Variants in RECK observed in about 807,000 individuals in gnomAD.
RECK encodes reversion-inducing cysteine-rich protein with Kazal motifs.
Under a neutral mutation model 115.1 loss-of-function variants are expected in RECK, and 69 were observed. The observed-to-expected ratio is 0.60, with a 90% CI of 0.49 to 0.73. The LOEUF (loss-of-function observed/expected upper bound fraction) is 0.73. Among genes scored for constraint, RECK ranks in the 30% least tolerant of loss-of-function variants. The probability of loss-of-function intolerance (pLI) is 0.00; values close to 1 mark genes in which losing one functional copy is unlikely to be tolerated. For missense variants in RECK, 1,047 were observed against 1,203.7 expected, an observed-to-expected ratio of 0.87 and a Z score of 1.93; for synonymous variants, 414 against 419.7, an observed-to-expected ratio of 0.99 and a Z score of 0.17.
In RECK at chr9:36,123,239, T is replaced by G; in HGVS notation, c.*194T>G. 1 of 538,852 alleles carries G rather than the reference T, an allele frequency of 1.9e-6. No individual in the cohort carries two copies. Among genetic ancestry groups the G allele is most frequent in the Non-Finnish European group, 3.3e-6 (1 of 306,830 alleles). The allele number at this position is 538,852 out of a possible 1,614,324, so 33.4% of individuals were successfully genotyped here. A position where few individuals can be genotyped will look rare whatever the true frequency, so the allele number is the denominator to read the frequency against. ...TTTTGTTTTTACAAATGTTAAAATG[T>G]GTTGTTCCAAATACTAATGAAAACA... On this transcript the variant is annotated 3_prime_UTR_variant, in exon 21 of 21. Coordinates refer to ENST00000377966, the MANE Select transcript of RECK (RefSeq NM_021111.3).
chr9:36,036,933 G>GGCGGCAGCGGCT lies in RECK; in HGVS notation c.-60_-49dup, dbSNP rs1820681298. On this transcript the variant is annotated 5_prime_UTR_variant, in exon 1 of 21. Transcript: ENST00000377966. ...GCCTCGCGCGAGCGGCGGCGGTAGC[G>GGCGGCAGCGGCT]GCGGCAGCGGCTGCGGCCAAGCTGG... The GGCGGCAGCGGCT allele has an allele frequency of 9.2e-7, 1 of 1,082,984 alleles. No homozygotes were observed. The highest frequency in any genetic ancestry group is 4.4e-5 in the Admixed American group (1 of 22,980). The allele number at this position is 1,082,984 out of a possible 1,614,324, so 67.1% of individuals were successfully genotyped here. A position where few individuals can be genotyped will look rare whatever the true frequency, so the allele number is the denominator to read the frequency against.
At chr9:36,091,899 C>T (rs7039882) in intron 10 of RECK, among the ~76,000 whole-genome samples, 3,809 of 151,930 alleles carry the variant, frequency 0.025, 168 homozygotes, top group African/African-American at 0.085. Context: ...ACCGGAAGCA[C>T]GAAATGAGAG....
rs77813630 is a variant in RECK at position 36,119,619 on chromosome 9, T to C, written c.2464+652T>C. On this transcript the variant is annotated intron_variant, in intron 18 of 20. Coordinates refer to ENST00000377966, the MANE Select transcript of RECK (RefSeq NM_021111.3). ...TTCCTCCATCCGTTAATTCATCAAA[T>C]GTTTATTTAGCTTTCACTATGTGCC... 6.9e-3 allele frequency among the ~76,000 whole-genome samples: 1,055 copies of C among 152,306 alleles called. 14 individuals carry two copies. The highest frequency in any genetic ancestry group is 0.023 in the African/African-American group (940 of 41,564).
rs746496519 is a variant in RECK at position 36,110,011 on chromosome 9, A to G, written c.1820A>G (p.Asn607Ser). 1 of 1,613,886 alleles carries G rather than the reference A, an allele frequency of 6.2e-7. No homozygotes were observed. Among genetic ancestry groups the G allele is most frequent in the South Asian group, 1.1e-5 (1 of 91,084 alleles). ...DCNVCSCFAG[N>S]LVCSTRLCLS... Reference sequence around the variant, plus strand: ...AATGTCTGTTCTTGTTTTGCTGGCAATTTGGTGTGCTCTACCCGCCTTTGC... The same window carrying G: ...AATGTCTGTTCTTGTTTTGCTGGCAGTTTGGTGTGCTCTACCCGCCTTTGC... Residue 607 changes from asparagine (N) to serine (S), a missense_variant, in exon 15 of 21, where the codon AAT (asparagine) becomes AGT (serine). Coordinates refer to ENST00000377966, the MANE Select transcript of RECK (RefSeq NM_021111.3).
At chr9:36,101,496 T>C (rs571314856) in intron 11 of RECK, among the ~76,000 whole-genome samples, 1 of 152,314 alleles carries the variant, frequency 6.6e-6, no homozygotes, top group South Asian at 2.1e-4. Context: ...TCCAGTCTAT[T>C]CTCTGACATG....
chr9:36,081,651 T>C lies in RECK; in HGVS notation c.439+1013T>C, dbSNP rs560754967. On this transcript the variant is annotated intron_variant, in intron 7 of 20. Transcript: ENST00000377966. ...GAGTTTGAGACCAGCCTGGCCAATA[T>C]GGTGAAAACCCATCTCTACTAAAAA... Among the ~76,000 whole-genome samples, 114 of 152,152 alleles carry C rather than the reference T, an allele frequency of 7.5e-4. 2 individuals carry two copies. The highest frequency in any genetic ancestry group is 2.5e-3 in the African/African-American group (103 of 41,522).
intron 11 of RECK, among the ~76,000 whole-genome samples, chr9:36,101,323 TG>T (rs1389577079): frequency 2.6e-5 from 4 of 152,240 alleles, no homozygotes; most frequent in Admixed American, 2.6e-4. Context: ...GCTGCTATAG[TG>T]GGTGAAACCA....
At chr9:36,051,554 C>G (rs1341572871) in intron 1 of RECK, among the ~76,000 whole-genome samples, 1 of 152,176 alleles carries the variant, frequency 6.6e-6, no homozygotes, top group African/African-American at 2.4e-5. Flanking sequence ...TAACTTGACT[C>G]TTGTGGTGCA....
chr9:36,102,361 CAG>C, intron 12 of RECK, 131 bp downstream of exon 12: 1 of 785,192 alleles, frequency 1.3e-6, no homozygotes, highest in Non-Finnish European at 2.0e-6. Flanking sequence ...ATCTCAATCA[CAG>C]ACTCTTGTTT....
chr9:36,109,010 G>T (rs1295219468), intron 14 of RECK, among the ~76,000 whole-genome samples: 1 of 151,976 alleles, frequency 6.6e-6, no homozygotes, highest in Non-Finnish European at 1.5e-5. Flanking sequence ...GATTTGATTA[G>T]AAAGAAGAGT....
chr9:36,101,473 A>G (rs551141229), intron 11 of RECK, among the ~76,000 whole-genome samples: 1 of 152,228 alleles, frequency 6.6e-6, no homozygotes, highest in Admixed American at 6.5e-5. Context: ...AATAATTTCA[A>G]CCTTAAACAG....
rs56001338 is a variant in RECK at position 36,054,499 on chromosome 9, TAAAA to T, written c.159+2192_159+2195del. Among the ~76,000 whole-genome samples the T allele has an allele frequency of 5.5e-5, 7 of 127,186 alleles. No individual in the cohort carries two copies. In the South Asian group the frequency reaches 1.3e-3, roughly 23 times the overall value. 83.4% of individuals were successfully genotyped at this position (127,186 alleles called of 152,430 possible). On this transcript the variant is annotated intron_variant, in intron 2 of 20. Transcript: ENST00000377966. ...GAGATCTGAGAAAAGGCCCTTAGTTTAAAAAAAAAAAAAAAAAAAGCCAATTAGT... is the reference window on the plus strand; with the variant it reads ...GAGATCTGAGAAAAGGCCCTTAGTTTAAAAAAAAAAAAAAAGCCAATTAGT...
At chr9:36,064,713 A>C (rs1160999692) in intron 5 of RECK, among the ~76,000 whole-genome samples, 1 of 152,188 alleles carries the variant, frequency 6.6e-6, no homozygotes. Flanking sequence ...GCTGAGTTGC[A>C]GAGGATTTGA....
At chr9:36,062,663 A>C (rs992397248) in intron 4 of RECK, among the ~76,000 whole-genome samples, 1 of 151,340 alleles carries the variant, frequency 6.6e-6, no homozygotes, top group Non-Finnish European at 1.5e-5. Flanking sequence ...TTTTTAGTAG[A>C]GATGGGGGTT....
At chr9:36,100,019 A>G (rs571804804) in intron 10 of RECK, among the ~76,000 whole-genome samples, 7 of 152,360 alleles carry the variant, frequency 4.6e-5, no homozygotes, top group South Asian at 4.1e-4. Context: ...GCCATTTTAA[A>G]AAGTTGGCCT....
At chr9:36,121,168 G>A (rs185133196) in intron 19 of RECK, among the ~76,000 whole-genome samples, 20 of 152,272 alleles carry the variant, frequency 1.3e-4, no homozygotes, top group Non-Finnish European at 2.8e-4. Flanking sequence ...TCTCTTTTCT[G>A]CACCATCACA....
intron 2 of RECK, among the ~76,000 whole-genome samples, chr9:36,056,512 C>T (rs749861613): frequency 9.2e-5 from 14 of 152,038 alleles, no homozygotes; most frequent in Non-Finnish European, 1.2e-4. Flanking sequence ...CCCCTGGTGT[C>T]GTTTAACATT....
At chr9:36,038,378 A>G (rs1820751718) in intron 1 of RECK, among the ~76,000 whole-genome samples, 1 of 152,210 alleles carries the variant, frequency 6.6e-6, no homozygotes, top group Non-Finnish European at 1.5e-5. Context: ...AAAGAATAAA[A>G]GAGAAAATGC....
intron 20 of RECK, among the ~76,000 whole-genome samples, chr9:36,122,255 T>C (rs1025242611): frequency 3.3e-5 from 5 of 152,200 alleles, no homozygotes; most frequent in Non-Finnish European, 7.4e-5. Flanking sequence ...AGGCAAGCAG[T>C]CTGTGAATCA....
Sources: gnomAD v4.1 joint callset for allele counts (sites outside exome capture counted in the v4.1 genomes callset) on GRCh38, gnomAD v4.1.1 for gene constraint, MANE v1.5 for transcripts, NCBI Gene and HGNC (gene_info 2026-07-23, HGNC 2026-07-21) for gene names.